C10orf67: variants seen among roughly 807,000 people sequenced by gnomAD.
C10orf67 encodes the protein uncharacterized protein C10orf67, mitochondrial.
A neutral mutation model predicts 35.6 loss-of-function variants in C10orf67; 60 were observed. The observed-to-expected ratio is 1.68, with a 90% CI of 1.37 to 2.09. The LOEUF (loss-of-function observed/expected upper bound fraction) is 2.09. Ranked by LOEUF, C10orf67 falls within the 30% of genes most tolerant of loss-of-function variation. The pLI, the probability that C10orf67 is intolerant of heterozygous loss-of-function variation, is 0.00. For missense variants in C10orf67, 474 were observed against 330.2 expected, an observed-to-expected ratio of 1.44 and a Z score of -3.38; for synonymous variants, 167 against 115.8, an observed-to-expected ratio of 1.44 and a Z score of -2.84.
chr10:23,309,510 A>C (rs369892360), intron 4 of C10orf67, among the ~76,000 whole-genome samples: 1 of 152,230 alleles, frequency 6.6e-6, no homozygotes, highest in East Asian at 1.9e-4. Context: ...CCCATGTAAC[A>C]AGCATGCACA....
intron 4 of C10orf67, among the ~76,000 whole-genome samples, chr10:23,306,825 A>G (rs757091475): frequency 6.3e-4 from 96 of 152,230 alleles, no homozygotes; most frequent in Non-Finnish European, 1.0e-3. Flanking sequence ...ATTTCAAATC[A>G]TCACATTGTA....
chr10:23,259,367 T>C (rs1186039604), intron 10 of C10orf67, among the ~76,000 whole-genome samples: 6 of 152,222 alleles, frequency 3.9e-5, no homozygotes, highest in Admixed American at 2.0e-4. Flanking sequence ...CCTAGTATTA[T>C]GATGGCATTC....
At chr10:23,286,426 G>A (rs1200158871) in intron 7 of C10orf67, among the ~76,000 whole-genome samples, 1 of 47,154 alleles carries the variant, frequency 2.1e-5, no homozygotes, top group African/African-American at 9.2e-5. Flanking sequence ...GAGGGGAGGG[G>A]AGGGGAGGGA....
At chr10:23,257,789 T>C (rs111249350) in intron 10 of C10orf67, among the ~76,000 whole-genome samples, 218 of 148,114 alleles carry the variant, frequency 1.5e-3, no homozygotes, top group South Asian at 5.0e-3. Flanking sequence ...GGTGACAGAG[T>C]CAGACTCTGT....
At chr10:23,244,578 T>A (rs1013641877) in intron 12 of C10orf67, among the ~76,000 whole-genome samples, 2 of 152,024 alleles carry the variant, frequency 1.3e-5, no homozygotes, top group Non-Finnish European at 2.9e-5. Flanking sequence ...CAAAAAGAAA[T>A]TTTTTAAAAA....
intron 4 of C10orf67, among the ~76,000 whole-genome samples, chr10:23,304,848 C>G (rs1480251232): frequency 6.6e-6 from 1 of 152,164 alleles, no homozygotes; most frequent in Non-Finnish European, 1.5e-5. Flanking sequence ...TACCCAGCAC[C>G]AACTCTACAG....
At chr10:23,211,908 C>A (rs1164642091) in intron 15 of C10orf67, among the ~76,000 whole-genome samples, 1 of 152,152 alleles carries the variant, frequency 6.6e-6, no homozygotes, top group Non-Finnish European at 1.5e-5. Context: ...ATAAACATGT[C>A]TCTTGTAACG....
chr10:23,272,858 A>T (rs1176424261), intron 8 of C10orf67, among the ~76,000 whole-genome samples: 1 of 152,152 alleles, frequency 6.6e-6, no homozygotes, highest in Admixed American at 6.5e-5. Context: ...TAAGTCTTTC[A>T]TTTATTTCAG....
At chr10:23,240,342 T>C (rs189746947) in intron 12 of C10orf67, among the ~76,000 whole-genome samples, 163 of 152,320 alleles carry the variant, frequency 1.1e-3, no homozygotes, top group Admixed American at 1.4e-3. Context: ...ATTCAGGGCA[T>C]TTTTCAGAAA....
intron 5 of C10orf67, among the ~76,000 whole-genome samples, chr10:23,291,698 A>G (rs1404597460): frequency 1.3e-5 from 2 of 152,078 alleles, no homozygotes; most frequent in Admixed American, 6.6e-5. Flanking sequence ...GTGCATGGCT[A>G]AGGAGGGGGG....
chr10:23,293,605 G>A (rs574088697), intron 5 of C10orf67, among the ~76,000 whole-genome samples: 24 of 152,288 alleles, frequency 1.6e-4, no homozygotes, highest in African/African-American at 4.3e-4. Context: ...GGATGTAGCC[G>A]TTTAAACCAC....
chr10:23,274,221 T>A (rs182082023), intron 8 of C10orf67, among the ~76,000 whole-genome samples: 1 of 152,248 alleles, frequency 6.6e-6, no homozygotes, highest in Non-Finnish European at 1.5e-5. Context: ...GAATTACTGA[T>A]GCAGGTCCAT....
chr10:23,342,422 C>T (rs1001845100), intron 1 of C10orf67, among the ~76,000 whole-genome samples: 2 of 152,168 alleles, frequency 1.3e-5, no homozygotes, highest in African/African-American at 4.8e-5. Context: ...ACGTTCAGCA[C>T]CTGAGCCTCT....
In C10orf67 at chr10:23,264,818, A is replaced by G. The variant is rs1842843511; in HGVS notation, c.1200+1444T>C. ...GCTGACCGGGCTCTGTAGTCCTCCCAGCCATCATCTCAGAGCCTCAGACCA... is the reference window on the plus strand; with the variant it reads ...GCTGACCGGGCTCTGTAGTCCTCCCGGCCATCATCTCAGAGCCTCAGACCA... On this transcript the variant is annotated intron_variant, in intron 10 of 15. Coordinates refer to ENST00000636213, the MANE Select transcript of C10orf67 (RefSeq NM_001371909.1). Among the ~76,000 whole-genome samples the G allele has an allele frequency of 3.3e-5, 5 of 152,208 alleles. No individual in the cohort carries two copies. In the South Asian group the frequency reaches 1.0e-3, roughly 32 times the overall value.
chr10:23,234,687 A>T (rs568811186), intron 13 of C10orf67, among the ~76,000 whole-genome samples: 34 of 152,068 alleles, frequency 2.2e-4, no homozygotes, highest in Admixed American at 8.5e-4. Flanking sequence ...ATATAAGTTA[A>T]ATAATGAGTT....
At chr10:23,206,240 T>C (rs1045555174) in intron 15 of C10orf67, among the ~76,000 whole-genome samples, 2 of 152,218 alleles carry the variant, frequency 1.3e-5, no homozygotes, top group African/African-American at 2.4e-5. Flanking sequence ...GCTATTCACA[T>C]AGCAGTACAG....
At chr10:23,234,527 G>A (rs1161509145) in intron 13 of C10orf67, among the ~76,000 whole-genome samples, 4 of 152,122 alleles carry the variant, frequency 2.6e-5, no homozygotes, top group African/African-American at 9.7e-5. Flanking sequence ...GCCTACCAGA[G>A]GGAGGAGGAT....
In C10orf67 at chr10:23,333,018, C is replaced by T. The variant is rs188891170; in HGVS notation, c.327+44G>A. The T allele has an allele frequency of 2.2e-3, 3,527 of 1,587,166 alleles. 3 individuals carry two copies. The highest frequency in any genetic ancestry group is 2.7e-3 in the Non-Finnish European group (3,201 of 1,165,678). ...ATGAAAGAAACATGAAGGCAATTAA[C>T]GCCAAAAATTATCTCAGAAGTTTCA... On this transcript the variant is annotated intron_variant, in intron 2 of 15. Transcript: ENST00000636213.
At chr10:23,311,040 C>A (rs1844476443) in intron 4 of C10orf67, among the ~76,000 whole-genome samples, 1 of 152,062 alleles carries the variant, frequency 6.6e-6, no homozygotes, top group Non-Finnish European at 1.5e-5. Context: ...GATCGTTGCT[C>A]ACTGCAGCTT....
Sources: gnomAD v4.1 joint callset for allele counts (sites outside exome capture counted in the v4.1 genomes callset) on GRCh38, gnomAD v4.1.1 for gene constraint, MANE v1.5 for transcripts, NCBI Gene and HGNC (gene_info 2026-07-23, HGNC 2026-07-21) for gene names.